Variants in ZEB1 observed in about 807,000 individuals in gnomAD.
ZEB1 encodes the protein zinc finger E-box binding homeobox 1.
In ZEB1, 21 loss-of-function variants were observed where a neutral mutation model predicts 84.9. That is an observed-to-expected ratio of 0.25 (90% CI 0.18 to 0.36). The LOEUF is 0.36. Ranked by LOEUF, ZEB1 falls within the 10% of genes least tolerant of loss-of-function variation. The pLI, the probability that ZEB1 is intolerant of heterozygous loss-of-function variation, is 1.00. For missense variants in ZEB1, 1,104 were observed against 1,330.2 expected, an observed-to-expected ratio of 0.83 and a Z score of 2.65; for synonymous variants, 420 against 471.1, an observed-to-expected ratio of 0.89 and a Z score of 1.41.
At chr10:31,366,019 C>T (rs934559145) in intron 1 of ZEB1, among the ~76,000 whole-genome samples, 3 of 152,186 alleles carry the variant, frequency 2.0e-5, no homozygotes, top group Non-Finnish European at 2.9e-5. Context: ...AAGGCAGTTG[C>T]GAGCTGCTGG....
chr10:31,472,806 T>C (rs984260526), intron 2 of ZEB1, among the ~76,000 whole-genome samples: 70 of 139,674 alleles, frequency 5.0e-4, no homozygotes, highest in African/African-American at 2.1e-3. Context: ...GCAAAAATCC[T>C]CAGTAAAATA....
intron 1 of ZEB1, among the ~76,000 whole-genome samples, chr10:31,353,403 A>G (rs906749074): frequency 6.6e-6 from 1 of 152,248 alleles, no homozygotes; most frequent in African/African-American, 2.4e-5. Flanking sequence ...GTCTAATGCT[A>G]GAATTCTTTA....
At chr10:31,427,386 G>T (rs977055747) in intron 1 of ZEB1, among the ~76,000 whole-genome samples, 2 of 151,972 alleles carry the variant, frequency 1.3e-5, no homozygotes, top group Non-Finnish European at 2.9e-5. Flanking sequence ...GGTATAAGCC[G>T]AAAAAGGGAA....
At chr10:31,380,861 T>G (rs2047501379) in intron 1 of ZEB1, among the ~76,000 whole-genome samples, 1 of 152,196 alleles carries the variant, frequency 6.6e-6, no homozygotes, top group African/African-American at 2.4e-5. Flanking sequence ...CTTATTTTAA[T>G]GAACGTTGTC....
chr10:31,387,115 C>T, intron 1 of ZEB1: 1 of 985,768 alleles, frequency 1.0e-6, no homozygotes. Flanking sequence ...CTCTTCTCTC[C>T]TCCCTTAGGA....
intron 1 of ZEB1, among the ~76,000 whole-genome samples, chr10:31,380,512 G>A (rs2047434599): frequency 6.6e-6 from 1 of 152,150 alleles, no homozygotes; most frequent in African/African-American, 2.4e-5. Context: ...TCTATTGAGA[G>A]TTTTCTACCA....
rs2069833810 is a variant in ZEB1 at position 31,510,732 on chromosome 10, C to T, written c.544C>T (p.Arg182Cys). 1.9e-6 allele frequency: 3 copies of T among 1,613,826 alleles called. No homozygotes were observed. The highest frequency in any genetic ancestry group is 2.5e-6 in the Non-Finnish European group (3 of 1,179,836). ...TCCATATTGTGATAGAGGCTATAAACGCTTTACCTCTCTGAAAGAACACAT... is the reference window on the plus strand; with the variant it reads ...TCCATATTGTGATAGAGGCTATAAATGCTTTACCTCTCTGAAAGAACACAT... ...TCPYCDRGYK[R>C]FTSLKEHIKY... The change falls in exon 5 of 9, where the codon CGC (arginine) becomes TGC (cysteine). Residue 182 changes from arginine to cysteine, a missense_variant. Arg to Cys is a radical substitution (Grantham distance 180). This residue lies in a region of ZEB1 where 71 missense variants were observed against 119.1 expected (regional missense o/e 0.60). Transcript: ENST00000424869.
At chr10:31,514,033 T>C (rs1333519614) in intron 5 of ZEB1, among the ~76,000 whole-genome samples, 2 of 152,126 alleles carry the variant, frequency 1.3e-5, no homozygotes, top group African/African-American at 4.8e-5. Context: ...GACAGAAAGC[T>C]ATTATAATAA....
At chr10:31,408,010 A>C (rs11527625) in intron 1 of ZEB1, among the ~76,000 whole-genome samples, 4,577 of 149,452 alleles carry the variant, frequency 0.031, 135 homozygotes, top group South Asian at 0.072. Context: ...GTCTCAGCCC[A>C]AAATCTCCTT....
At chr10:31,346,176 G>A (rs2040278177) in intron 1 of ZEB1, among the ~76,000 whole-genome samples, 1 of 152,172 alleles carries the variant, frequency 6.6e-6, no homozygotes, top group Admixed American at 6.5e-5. Context: ...GTTCACTGTA[G>A]CTCATCTGCT....
chr10:31,442,818 A>G (rs1349445413), intron 1 of ZEB1, among the ~76,000 whole-genome samples: 1 of 152,222 alleles, frequency 6.6e-6, no homozygotes, highest in East Asian at 1.9e-4. Flanking sequence ...AGATCAAGTC[A>G]AATGAGGACT....
chr10:31,470,434 A>G (rs7079305), intron 2 of ZEB1, among the ~76,000 whole-genome samples: 1,815 of 150,184 alleles, frequency 0.012, 22 homozygotes, highest in African/African-American at 0.042. Context: ...CTCAGGAGCC[A>G]ATGCGATCAA....
At chr10:31,366,447 G>A (rs981562440) in intron 1 of ZEB1, among the ~76,000 whole-genome samples, 1 of 152,062 alleles carries the variant, frequency 6.6e-6, no homozygotes, top group Non-Finnish European at 1.5e-5. Flanking sequence ...GAGCCACTGC[G>A]CCTGGCCATA....
rs1384497926 is a variant in ZEB1, at chr10:31,443,598, T to C, written c.59-17439T>C. 4.6e-5 allele frequency among the ~76,000 whole-genome samples: 6 copies of C among 129,330 alleles called. No homozygotes were observed. In the East Asian group the frequency reaches 1.4e-3, roughly 31 times the overall value. The allele number at this position is 129,330 out of a possible 152,430, so 84.8% of individuals were successfully genotyped here. A position where few individuals can be genotyped will look rare whatever the true frequency, so the allele number is the denominator to read the frequency against. ...CCACAACAGTCCCCAGAGTGTGATA[T>C]TCCCCTTCCTGTGTCCATGTGCTCT... is the stretch of plus-strand genomic sequence containing the variant. On this transcript the variant is annotated intron_variant, in intron 1 of 8. Coordinates refer to ENST00000424869, the MANE Select transcript of ZEB1 (RefSeq NM_001174096.2).
rs1429308597 is a variant in ZEB1, at chr10:31,319,505, T to A, written c.58+213T>A. 7 of 591,464 alleles carry A rather than the reference T, an allele frequency of 1.2e-5. No homozygotes were observed. The East Asian group carries it at 1.5e-4, about 12-fold the overall frequency. 36.6% of individuals were successfully genotyped at this position (591,464 alleles called of 1,614,324 possible). On this transcript the variant is annotated intron_variant, in intron 1 of 8. Coordinates refer to ENST00000424869, the MANE Select transcript of ZEB1 (RefSeq NM_001174096.2). Reference sequence around the variant, plus strand: ...GCCGCTCGCTCTCCCTGAACCGTTATGTCTCTTACCTGGTCTCTCTCCGCC... The same window carrying A: ...GCCGCTCGCTCTCCCTGAACCGTTAAGTCTCTTACCTGGTCTCTCTCCGCC...
At chr10:31,475,829 A>G (rs529694682) in intron 2 of ZEB1, among the ~76,000 whole-genome samples, 1 of 152,298 alleles carries the variant, frequency 6.6e-6, no homozygotes, top group African/African-American at 2.4e-5. Context: ...ACCATCATAT[A>G]AAGCACAGGT....
chr10:31,398,935 A>G (rs2051348655), intron 1 of ZEB1, among the ~76,000 whole-genome samples: 1 of 151,574 alleles, frequency 6.6e-6, no homozygotes, highest in African/African-American at 2.4e-5. Flanking sequence ...GTGACTTCAT[A>G]TAGTACCATG....
intron 1 of ZEB1, 148 bp from the exon 2 acceptor site, chr10:31,460,889 T>C: frequency 1.4e-6 from 1 of 702,200 alleles, no homozygotes; most frequent in Non-Finnish European, 2.5e-6. Flanking sequence ...TACATATGTG[T>C]GTTGTCAAAT....
intron 1 of ZEB1, among the ~76,000 whole-genome samples, chr10:31,444,962 G>A (rs1026623782): frequency 6.0e-4 from 91 of 152,074 alleles, no homozygotes; most frequent in African/African-American, 2.0e-3. Context: ...AAAGTCATTG[G>A]TAGCTTGATG....
Sources: allele counts gnomAD v4.1 joint callset (sites outside exome capture counted in the v4.1 genomes callset), GRCh38; gene constraint gnomAD v4.1.1; regional missense constraint gnomAD v4.1.1; transcripts MANE v1.5; gene names NCBI Gene and HGNC (gene_info 2026-07-23, HGNC 2026-07-21).